OVCH1: variants seen among roughly 807,000 people sequenced by gnomAD.
OVCH1 encodes ovochymase-1.
OVCH1 carries 139 observed loss-of-function variants against 138.4 expected under a neutral mutation model. The observed-to-expected ratio is 1.00, with a 90% CI of 0.87 to 1.16. The LOEUF (loss-of-function observed/expected upper bound fraction) is 1.16. OVCH1 is among the 50% of genes most tolerant of loss of function. The pLI is 0.00. For synonymous variants in OVCH1, 453 were observed against 467.8 expected (o/e 0.97, Z 0.41); for missense variants, 1,367 against 1,357.9 (o/e 1.01, Z -0.11).
intron 16 of OVCH1, among the ~76,000 whole-genome samples, chr12:29,470,022 C>A (rs934843692): frequency 6.6e-6 from 1 of 152,044 alleles, no homozygotes; most frequent in East Asian, 1.9e-4. Context: ...TTATACACAG[C>A]CACATGGCTT....
chr12:29,422,213 G>T (rs1013104522), intron 3 of OVCH1, among the ~76,000 whole-genome samples: 7 of 152,136 alleles, frequency 4.6e-5, no homozygotes, highest in Admixed American at 3.9e-4. Flanking sequence ...TTAAAGAAAT[G>T]AGGCAATAGA....
At chr12:29,474,149 C>A (rs1383367445) in intron 14 of OVCH1, among the ~76,000 whole-genome samples, 1 of 151,930 alleles carries the variant, frequency 6.6e-6, no homozygotes, top group Non-Finnish European at 1.5e-5. Context: ...TAATACAACA[C>A]TGGACTTGTC....
At chr12:29,474,765 G>C (rs2136020999) in intron 14 of OVCH1, among the ~76,000 whole-genome samples, 1 of 152,190 alleles carries the variant, frequency 6.6e-6, no homozygotes, top group East Asian at 1.9e-4. Context: ...TCTCATTTCT[G>C]AATTACCTTC....
chr12:29,430,891 CT>C, intron 27 of OVCH1: 1 of 518,450 alleles, frequency 1.9e-6, no homozygotes, highest in Non-Finnish European at 3.9e-6. Flanking sequence ...TCCATGTGGC[CT>C]TTTCCCAGTA....
At chr12:29,457,486 C>T (rs150709798) in intron 19 of OVCH1, among the ~76,000 whole-genome samples, 3,690 of 146,886 alleles carry the variant, frequency 0.025, 142 homozygotes, top group African/African-American at 0.087. Flanking sequence ...TCACTGCAAG[C>T]CCCGCCTCCT....
chr12:29,493,213 G>A lies in OVCH1; in HGVS notation c.455-2021C>T, dbSNP rs77182066. Among the ~76,000 whole-genome samples the A allele has an allele frequency of 3.4e-3, 520 of 152,170 alleles. 24 individuals are homozygous for A. In the East Asian group the frequency reaches 0.088, roughly 26 times the overall value. Reference sequence around the variant, plus strand: ...AATAGTTTCCTCTTATATACACTTCGAGTTATTCTCAGTATTTTGATCGCC... The same window carrying A: ...AATAGTTTCCTCTTATATACACTTCAAGTTATTCTCAGTATTTTGATCGCC... On this transcript the variant is annotated intron_variant, in intron 4 of 27. Coordinates refer to ENST00000318184, the Ensembl canonical transcript of OVCH1.
intron 12 of OVCH1, among the ~76,000 whole-genome samples, chr12:29,476,795 A>C (rs1565600789): frequency 4.2e-5 from 3 of 71,582 alleles, no homozygotes; most frequent in Non-Finnish European, 1.2e-4. Context: ...ACACACACAC[A>C]CACACACACA....
At chr12:29,443,307 C>T (rs1268336845) in intron 25 of OVCH1, 54 bp downstream of exon 25, 1 of 1,545,282 alleles carries the variant, frequency 6.5e-7, no homozygotes, top group Non-Finnish European at 8.8e-7. Flanking sequence ...ACAATCTAAA[C>T]ATGTTTCATC....
chr12:29,469,156 A>G (rs1942418636), intron 16 of OVCH1, among the ~76,000 whole-genome samples: 1 of 152,144 alleles, frequency 6.6e-6, no homozygotes. Context: ...AAGGGGGAAA[A>G]ATGTAACTTT....
At chr12:29,459,569 C>T (rs1942062235) in intron 19 of OVCH1, among the ~76,000 whole-genome samples, 1 of 151,966 alleles carries the variant, frequency 6.6e-6, no homozygotes, top group South Asian at 2.1e-4. Flanking sequence ...TATTTGATAG[C>T]ACAACAGGGT....
chr12:29,403,410 C>T, the OVCH1 span, among the ~76,000 whole-genome samples: 2 of 152,104 alleles, frequency 1.3e-5, no homozygotes, highest in Non-Finnish European at 2.9e-5. Context: ...CTGAACCATA[C>T]GCCCTTTTGG....
chr12:29,490,756 C>T (rs11050257), intron 5 of OVCH1, among the ~76,000 whole-genome samples: 8,190 of 152,056 alleles, frequency 0.054, 481 homozygotes, highest in African/African-American at 0.14. Context: ...TTTTTGTTTC[C>T]GAGTCTGACT....
At chr12:29,488,944 T>C (rs1663291333) in intron 6 of OVCH1, among the ~76,000 whole-genome samples, 1 of 152,092 alleles carries the variant, frequency 6.6e-6, no homozygotes, top group Non-Finnish European at 1.5e-5. Flanking sequence ...GAAGAAAAAC[T>C]CAAAAATCCT....
exon 25 of OVCH1, chr12:29,443,486 A>G (rs2135924796): frequency 6.2e-7 from 1 of 1,603,282 alleles, no homozygotes; most frequent in Non-Finnish European, 8.5e-7. Context: ...AGGGGCTACT[A>G]ATCTCCATTG....
chr12:29,427,661 T>C (rs1361713365), intron 27 of OVCH1: 1 of 1,548,902 alleles, frequency 6.5e-7, no homozygotes, highest in African/African-American at 1.4e-5. Context: ...GAGAAATAAA[T>C]ATTTGTTGTT....
intron 19 of OVCH1, among the ~76,000 whole-genome samples, chr12:29,460,000 G>A (rs1474043902): frequency 1.3e-5 from 2 of 152,148 alleles, no homozygotes; most frequent in East Asian, 1.9e-4. Context: ...TTTTATCAAA[G>A]CAAGTTTCTA....
intron 13 of OVCH1, 143 bp from the exon 14 acceptor site, chr12:29,475,332 G>A: frequency 3.6e-6 from 2 of 548,010 alleles, no homozygotes; most frequent in Non-Finnish European, 6.0e-6. Context: ...TCTCATGTGA[G>A]AATTAAATGT....
the OVCH1 span, among the ~76,000 whole-genome samples, chr12:29,405,235 C>CT: frequency 6.6e-6 from 1 of 152,032 alleles, no homozygotes; most frequent in Non-Finnish European, 1.5e-5. Context: ...TCTTGCCTTT[C>CT]TTTTTAAAAC....
intron 3 of OVCH1, among the ~76,000 whole-genome samples, chr12:29,417,705 ACTCT>A (rs1312920331): frequency 6.6e-6 from 1 of 151,754 alleles, no homozygotes; most frequent in African/African-American, 2.4e-5. Flanking sequence ...GCTGATGCCA[ACTCT>A]CTATCCCTGA....
Sources: allele counts gnomAD v4.1 joint callset (sites outside exome capture counted in the v4.1 genomes callset), GRCh38; gene constraint gnomAD v4.1.1; transcripts MANE v1.5; gene names NCBI Gene and HGNC (gene_info 2026-07-23, HGNC 2026-07-21).